Variants in NSL1 observed in about 807,000 individuals in gnomAD.
NSL1 encodes the protein NSL1 component of MIS12 kinetochore complex.
Under a neutral mutation model 25.4 loss-of-function variants are expected in NSL1, and 11 were observed. The observed-to-expected ratio is 0.43, with a 90% CI of 0.27 to 0.72. NSL1 has a LOEUF of 0.72. Among genes scored for constraint, NSL1 ranks in the 30% least tolerant of loss-of-function variants. The pLI is 0.19. For missense variants in NSL1, 330 were observed against 342.7 expected (o/e 0.96, Z 0.29); for synonymous variants, 118 against 120.6 (o/e 0.98, Z 0.14).
chr1:212,781,920 TA>T (rs1389794569), intron 4 of NSL1: 2 of 351,948 alleles, frequency 5.7e-6, no homozygotes, highest in Non-Finnish European at 1.1e-5. Context: ...TTCAAAGGCA[TA>T]ATGAGTATAC....
chr1:212,729,162 T>G lies in NSL1; in HGVS notation c.*9246A>C. The stretch of plus-strand genomic sequence containing the variant: ...TCTAAAACCAGACAAAATCATTTCT[T>G]GCAAGCAGGTAATTCCACAGAAGTT... On this transcript the variant is annotated 3_prime_UTR_variant, in exon 6 of 6. Transcript: ENST00000366977. 1 of 985,464 alleles carries G rather than the reference T, an allele frequency of 1.0e-6. No homozygotes were observed. The highest frequency in any genetic ancestry group is 1.2e-6 in the Non-Finnish European group (1 of 829,940). 61.0% of individuals were successfully genotyped at this position (985,464 alleles called of 1,614,324 possible). A position where few individuals can be genotyped will look rare whatever the true frequency, so the allele number is the denominator to read the frequency against.
rs1659513475 is a variant in NSL1, at chr1:212,760,510, T to C, written c.500-20909A>G. Among the ~76,000 whole-genome samples, 1 of 151,704 alleles carries C rather than the reference T, an allele frequency of 6.6e-6. No individual in the cohort carries two copies. The highest frequency in any genetic ancestry group is 1.5e-5 in the Non-Finnish European group (1 of 67,920). On this transcript the variant is annotated intron_variant, in intron 4 of 5. Coordinates refer to ENST00000366977, the MANE Select transcript of NSL1 (RefSeq NM_015471.4). The surrounding 1 kb of genome is among the most constrained non-coding windows in gnomAD (Gnocchi z 4.3). ...ACTACTGCCGGCATCCACACACTCC[T>C]CCCCAGGGCTTGAGGACGGGCCTGA...
chr1:212,783,629 C>CT (rs1660816879), intron 3 of NSL1, among the ~76,000 whole-genome samples: 3 of 152,188 alleles, frequency 2.0e-5, no homozygotes, highest in Non-Finnish European at 4.4e-5. Flanking sequence ...ATGTACCTCA[C>CT]TGGAGGGACA....
chr1:212,774,773 C>A (rs1351789765), intron 4 of NSL1, among the ~76,000 whole-genome samples: 1 of 152,154 alleles, frequency 6.6e-6, no homozygotes, highest in Non-Finnish European at 1.5e-5. Flanking sequence ...TCTGGCAGTT[C>A]CTCAAAAGCT....
chr1:212,787,939 T>C (rs1166506908), intron 1 of NSL1, among the ~76,000 whole-genome samples: 2 of 152,132 alleles, frequency 1.3e-5, no homozygotes, highest in African/African-American at 4.8e-5. Context: ...CTAACAAATT[T>C]AGGCTCAGTT....
intron 2 of NSL1, among the ~76,000 whole-genome samples, chr1:212,787,344 C>T (rs1660988807): frequency 6.6e-6 from 1 of 152,132 alleles, no homozygotes; most frequent in Admixed American, 6.5e-5. Context: ...CCCTGGGCCT[C>T]TTTTGTCATC....
rs1246304851 is a variant in NSL1 at position 212,729,319 on chromosome 1, A to G, written c.*9089T>C. On this transcript the variant is annotated 3_prime_UTR_variant, in exon 6 of 6. Coordinates refer to ENST00000366977, the MANE Select transcript of NSL1 (RefSeq NM_015471.4). ...CCTAGATGCTACTGATGGCTCCCCT[A>G]ACTGACGGCAAATTGCTTGTGGGCA... is the stretch of plus-strand genomic sequence containing the variant. The G allele has an allele frequency of 1.0e-6, 1 of 984,120 alleles. No individual in the cohort carries two copies. The highest frequency in any genetic ancestry group is 6.2e-5 in the Admixed American group (1 of 16,248). 61.0% of individuals were successfully genotyped at this position (984,120 alleles called of 1,614,324 possible). A position where few individuals can be genotyped will look rare whatever the true frequency, so the allele number is the denominator to read the frequency against.
chr1:212,783,691 A>G (rs1660819613), intron 3 of NSL1, among the ~76,000 whole-genome samples: 1 of 152,128 alleles, frequency 6.6e-6, no homozygotes, highest in Non-Finnish European at 1.5e-5. Flanking sequence ...TTTGGGTCCA[A>G]TTTTCTTGTG....
At chr1:212,786,008 C>A (rs920323252) in intron 2 of NSL1, among the ~76,000 whole-genome samples, 4 of 151,948 alleles carry the variant, frequency 2.6e-5, no homozygotes, top group African/African-American at 9.7e-5. Context: ...TTGAGGGCAC[C>A]CTTTTTTTCC....
intron 4 of NSL1, among the ~76,000 whole-genome samples, chr1:212,781,276 C>T (rs964760722): frequency 6.6e-6 from 1 of 152,138 alleles, no homozygotes; most frequent in Non-Finnish European, 1.5e-5. Context: ...TACGATAAAA[C>T]GGTAACCAAG....
chr1:212,777,317 C>T lies in NSL1; in HGVS notation c.499+5055G>A, dbSNP rs138298527. ...ACTTGAGCCCAAGAGATTGAGGTGG[C>T]AATGAGCCATGATCATACCACTGCA... On this transcript the variant is annotated intron_variant, in intron 4 of 5. Coordinates refer to ENST00000366977, the MANE Select transcript of NSL1 (RefSeq NM_015471.4). 5.9e-5 allele frequency among the ~76,000 whole-genome samples: 9 copies of T among 151,672 alleles called. No individual in the cohort carries two copies. In the South Asian group the frequency reaches 1.7e-3, roughly 28 times the overall value.
intron 4 of NSL1, among the ~76,000 whole-genome samples, chr1:212,776,721 A>C (rs961730347): frequency 9.0e-6 from 1 of 111,712 alleles, no homozygotes; most frequent in African/African-American, 3.6e-5. Flanking sequence ...AACAAAACAA[A>C]ACAACAACAA....
At chr1:212,748,708 C>T (rs1302954484) in intron 4 of NSL1, among the ~76,000 whole-genome samples, 1 of 151,994 alleles carries the variant, frequency 6.6e-6, no homozygotes, top group Non-Finnish European at 1.5e-5. Flanking sequence ...GGTATAATGA[C>T]TAAAAAGGGG....
chr1:212,742,974 A>G (rs1658571761), intron 4 of NSL1, among the ~76,000 whole-genome samples: 1 of 152,256 alleles, frequency 6.6e-6, no homozygotes, highest in Non-Finnish European at 1.5e-5. Flanking sequence ...ACTTTGTTAC[A>G]TATTTTCCAT....
intron 4 of NSL1, among the ~76,000 whole-genome samples, chr1:212,778,403 TCTCTCCTCTCTCTCCC>T (rs1379022711): frequency 1.3e-5 from 2 of 152,128 alleles, no homozygotes; most frequent in East Asian, 3.8e-4. Flanking sequence ...CGCTCTCTCC[TCTCTCCTCTCTCTCCC>T]CTCTCCCCAC....
intron 4 of NSL1, among the ~76,000 whole-genome samples, chr1:212,749,031 A>C (rs1161608649): frequency 6.6e-6 from 1 of 152,192 alleles, no homozygotes; most frequent in Non-Finnish European, 1.5e-5. Context: ...TATACTGTTT[A>C]AAAATAAGTT....
intron 4 of NSL1, among the ~76,000 whole-genome samples, chr1:212,768,333 A>C (rs1250871617): frequency 3.3e-5 from 5 of 151,498 alleles, no homozygotes; most frequent in African/African-American, 4.8e-5. Flanking sequence ...AAAAAAAAAA[A>C]AAAAAAAAAA....
chr1:212,778,856 G>A (rs1200628164), intron 4 of NSL1, among the ~76,000 whole-genome samples: 9 of 151,798 alleles, frequency 5.9e-5, no homozygotes, highest in African/African-American at 9.7e-5. Flanking sequence ...CTGCCTGGCC[G>A]CCTATCGTCT....
At chr1:212,779,774 A>G (rs1660618189) in intron 4 of NSL1, among the ~76,000 whole-genome samples, 1 of 117,176 alleles carries the variant, frequency 8.5e-6, no homozygotes, top group Admixed American at 8.0e-5. Context: ...CCCGTCCGGG[A>G]GGGAGGTGGG....
Sources: gnomAD v4.1 joint callset for allele counts (sites outside exome capture counted in the v4.1 genomes callset) on GRCh38, gnomAD v4.1.1 for gene constraint, Gnocchi (gnomAD v3.1) non-coding constraint, MANE v1.5 for transcripts, NCBI Gene and HGNC (gene_info 2026-07-23, HGNC 2026-07-21) for gene names.